ATF7IP: variants seen among roughly 807,000 people sequenced by gnomAD.
The protein encoded by ATF7IP is activating transcription factor 7 interacting protein.
A neutral mutation model predicts 106.4 loss-of-function variants in ATF7IP; 23 were observed. That is an observed-to-expected ratio of 0.22 (90% CI 0.16 to 0.31). The LOEUF (loss-of-function observed/expected upper bound fraction) is 0.31. Among genes scored for constraint, ATF7IP ranks in the 10% least tolerant of loss-of-function variants. The probability of loss-of-function intolerance (pLI) is 1.00; values close to 1 mark genes in which losing one functional copy is unlikely to be tolerated. For missense variants in ATF7IP, 1,334 were observed against 1,524.3 expected, an observed-to-expected ratio of 0.88 and a Z score of 2.08; for synonymous variants, 542 against 539.0, an observed-to-expected ratio of 1.01 and a Z score of -0.08.
chr12:14,417,235 G>A (rs1401159930), intron 1 of ATF7IP, among the ~76,000 whole-genome samples: 2 of 152,098 alleles, frequency 1.3e-5, no homozygotes, highest in South Asian at 2.1e-4. Context: ...AACTTGCTGC[G>A]AAAGGCAGTT....
At chr12:14,430,041 G>A (rs544863360) in intron 2 of ATF7IP, among the ~76,000 whole-genome samples, 1 of 152,258 alleles carries the variant, frequency 6.6e-6, no homozygotes, top group East Asian at 1.9e-4. Flanking sequence ...CTCAGAGTAA[G>A]TATACATGGA....
intron 1 of ATF7IP, among the ~76,000 whole-genome samples, chr12:14,384,373 T>C (rs1278246370): frequency 2.0e-5 from 3 of 152,234 alleles, no homozygotes; most frequent in Non-Finnish European, 4.4e-5. Context: ...AACCCACATT[T>C]GTTGGAGCTC....
intron 5 of ATF7IP, among the ~76,000 whole-genome samples, chr12:14,446,591 A>G (rs1165577023): frequency 6.6e-6 from 1 of 152,264 alleles, no homozygotes; most frequent in Non-Finnish European, 1.5e-5. Flanking sequence ...AGTATTGGCA[A>G]GGGATCTTTT....
intron 6 of ATF7IP, 116 bp downstream of exon 6, chr12:14,447,169 C>T (rs1004337278): frequency 7.7e-6 from 5 of 651,386 alleles, no homozygotes; most frequent in Middle Eastern, 4.5e-4. Context: ...ATACTGTGTA[C>T]TCCTCTATGT....
chr12:14,455,824 C>G (rs910164057), intron 6 of ATF7IP, among the ~76,000 whole-genome samples: 5 of 151,950 alleles, frequency 3.3e-5, no homozygotes, highest in African/African-American at 1.2e-4. Context: ...TGAGCTCAAG[C>G]AATCCTTGCC....
chr12:14,493,110 A>G (rs1944883348), intron 13 of ATF7IP, among the ~76,000 whole-genome samples: 2 of 151,990 alleles, frequency 1.3e-5, no homozygotes, highest in African/African-American at 2.4e-5. Flanking sequence ...TAACCAAGCA[A>G]ATAACCTACT....
At chr12:14,447,816 G>A (rs1179029211) in intron 6 of ATF7IP, among the ~76,000 whole-genome samples, 1 of 152,052 alleles carries the variant, frequency 6.6e-6, no homozygotes, top group Non-Finnish European at 1.5e-5. Flanking sequence ...AATATACAGA[G>A]ATTAGATTAA....
intron 1 of ATF7IP, among the ~76,000 whole-genome samples, chr12:14,402,127 C>CTT (rs11297116): frequency 1.3e-3 from 128 of 101,842 alleles, no homozygotes; most frequent in Admixed American, 3.9e-3. Context: ...TTTCTTCTTT[C>CTT]TTTTTTTTTT....
intron 8 of ATF7IP, among the ~76,000 whole-genome samples, chr12:14,459,954 C>T (rs1347522329): frequency 6.6e-6 from 1 of 152,146 alleles, no homozygotes; most frequent in Non-Finnish European, 1.5e-5. Flanking sequence ...GGAATCTCCC[C>T]TCAATAGTTC....
intron 6 of ATF7IP, among the ~76,000 whole-genome samples, chr12:14,451,764 G>T (rs1427093681): frequency 2.0e-5 from 3 of 151,968 alleles, no homozygotes; most frequent in Non-Finnish European, 4.4e-5. Context: ...GTTAAGACCT[G>T]GGTTGTGACA....
At chr12:14,455,536 A>T (rs926336898) in intron 6 of ATF7IP, among the ~76,000 whole-genome samples, 4 of 152,204 alleles carry the variant, frequency 2.6e-5, no homozygotes, top group Non-Finnish European at 5.9e-5. Context: ...TTAATATGTT[A>T]TTCTTACACT....
chr12:14,479,327 T>C, intron 12 of ATF7IP, among the ~76,000 whole-genome samples: 1 of 152,208 alleles, frequency 6.6e-6, no homozygotes, highest in Non-Finnish European at 1.5e-5. Flanking sequence ...AGGAATCATA[T>C]GCTTGCTACC....
intron 11 of ATF7IP, among the ~76,000 whole-genome samples, chr12:14,476,709 A>T (rs1370082825): frequency 6.6e-6 from 1 of 152,084 alleles, no homozygotes; most frequent in Non-Finnish European, 1.5e-5. Flanking sequence ...TTCAGTGCAG[A>T]TACTGTATAT....
At chr12:14,387,446 G>A (rs1043341691) in intron 1 of ATF7IP, among the ~76,000 whole-genome samples, 5 of 151,936 alleles carry the variant, frequency 3.3e-5, no homozygotes, top group Admixed American at 6.6e-5. Flanking sequence ...ATATAATGTC[G>A]AAAAACTGTC....
At position 14,438,209 on chromosome 12, in the gene ATF7IP, C is replaced by T. The variant is rs532661084; in HGVS notation, c.1871C>T (p.Thr624Ile). ...GATAAGACTTTGGCAGAATTGAAAACACGAGTGGAAAAGATTGAATGTAAC... is the reference window on the plus strand; with the variant it reads ...GATAAGACTTTGGCAGAATTGAAAATACGAGTGGAAAAGATTGAATGTAAC... ...VFDKTLAELK[T>I]RVEKIECNKR... Residue 624 changes from threonine to isoleucine, a missense_variant, in exon 5 of 15, where the codon ACA becomes ATA. This residue lies in a region of ATF7IP where 22 missense variants were observed against 47.4 expected (regional missense o/e 0.46). Coordinates refer to ENST00000261168, the MANE Select transcript of ATF7IP (RefSeq NM_018179.5). The T allele has an allele frequency of 6.2e-7, 1 of 1,613,186 alleles. No homozygotes were observed. Among genetic ancestry groups the T allele is most frequent in the African/African-American group, 1.3e-5 (1 of 75,010 alleles).
At chr12:14,465,818 G>A (rs367777676) in intron 9 of ATF7IP, among the ~76,000 whole-genome samples, 1 of 152,180 alleles carries the variant, frequency 6.6e-6, no homozygotes, top group East Asian at 1.9e-4. Context: ...GTTTGACCAA[G>A]AGGGTTTTAT....
intron 13 of ATF7IP, among the ~76,000 whole-genome samples, chr12:14,485,011 TG>T (rs1944554371): frequency 6.6e-6 from 1 of 152,096 alleles, no homozygotes. Context: ...CTGCAAAAGA[TG>T]GCAGGGCCTT....
At chr12:14,381,867 G>GTTTTTT (rs55929147) in intron 1 of ATF7IP, among the ~76,000 whole-genome samples, 6 of 148,366 alleles carry the variant, frequency 4.0e-5, no homozygotes, top group South Asian at 2.1e-4. Flanking sequence ...ATTAATTCTA[G>GTTTTTT]TTTTTTTTTT....
Position 14,494,327 on chromosome 12 carries a change from A to ATG in ATF7IP, c.3281-1903_3281-1902insGT, listed in dbSNP as rs1288418837. On this transcript the variant is annotated intron_variant, in intron 13 of 14. Coordinates refer to ENST00000261168, the MANE Select transcript of ATF7IP (RefSeq NM_018179.5). ...TATATATATATATATATATATATAT[A>ATG]TATATATGTGTGTGTGTATATGTAT... 1.4e-3 allele frequency among the ~76,000 whole-genome samples: 122 copies of ATG among 86,828 alleles called. 3 individuals carry two copies. The highest frequency in any genetic ancestry group is 3.5e-3 in the South Asian group (10 of 2,832). 57.0% of individuals were successfully genotyped at this position (86,828 alleles called of 152,430 possible). A position where few individuals can be genotyped will look rare whatever the true frequency, so the allele number is the denominator to read the frequency against.
Sources: allele counts gnomAD v4.1 joint callset (sites outside exome capture counted in the v4.1 genomes callset), GRCh38; gene constraint gnomAD v4.1.1; regional missense constraint gnomAD v4.1.1; transcripts MANE v1.5; gene names NCBI Gene and HGNC (gene_info 2026-07-23, HGNC 2026-07-21).